Variants in PTPRM observed in about 807,000 individuals in gnomAD.
The protein encoded by PTPRM is receptor-type tyrosine-protein phosphatase mu.
PTPRM carries 47 observed loss-of-function variants against 186.7 expected under a neutral mutation model. The ratio of observed to expected loss-of-function variants is 0.25; its 90% CI spans 0.20 to 0.32. PTPRM has a LOEUF of 0.32. Ranked by LOEUF, PTPRM falls within the 10% of genes least tolerant of loss-of-function variation. The pLI is 1.00. For missense variants in PTPRM, 1,494 were observed against 1,865.0 expected, an observed-to-expected ratio of 0.80 and a Z score of 3.66; for synonymous variants, 668 against 674.9, an observed-to-expected ratio of 0.99 and a Z score of 0.16.
intron 2 of PTPRM, among the ~76,000 whole-genome samples, chr18:7,845,622 C>T (rs573028989): frequency 6.6e-6 from 1 of 152,176 alleles, no homozygotes; most frequent in Non-Finnish European, 1.5e-5. Flanking sequence ...GTTGATTTCT[C>T]CTTTTCACAT....
At chr18:7,638,511 ATG>A (rs1170019264) in intron 1 of PTPRM, among the ~76,000 whole-genome samples, 2 of 152,188 alleles carry the variant, frequency 1.3e-5, no homozygotes, top group Admixed American at 6.5e-5. Context: ...TTATCTAATG[ATG>A]TGTGTTTGAA....
At chr18:7,729,540 G>C (rs2040615360) in intron 1 of PTPRM, among the ~76,000 whole-genome samples, 1 of 151,572 alleles carries the variant, frequency 6.6e-6, no homozygotes, top group African/African-American at 2.4e-5. Context: ...AAAAAAAACA[G>C]TACAAAAGAC....
chr18:8,363,918 A>G (rs539236890), intron 23 of PTPRM, among the ~76,000 whole-genome samples: 31 of 152,352 alleles, frequency 2.0e-4, no homozygotes, highest in African/African-American at 7.2e-4. Flanking sequence ...CCTTGTGCTT[A>G]TAAGTATTGT....
chr18:8,011,200 A>T (rs2084505779), intron 7 of PTPRM, among the ~76,000 whole-genome samples: 1 of 152,214 alleles, frequency 6.6e-6, no homozygotes, highest in Non-Finnish European at 1.5e-5. Context: ...ACAAGGACAG[A>T]TAGAAGAGAG....
At chr18:8,173,498 GTGGGTTCT>G (rs2146488763) in intron 14 of PTPRM, among the ~76,000 whole-genome samples, 1 of 152,356 alleles carries the variant, frequency 6.6e-6, no homozygotes, top group East Asian at 1.9e-4. Flanking sequence ...TAACTGCCCA[GTGGGTTCT>G]TGCTGCCTGC....
chr18:8,313,064 T>G (rs982447178), intron 20 of PTPRM, among the ~76,000 whole-genome samples: 1 of 152,216 alleles, frequency 6.6e-6, no homozygotes, highest in Non-Finnish European at 1.5e-5. Context: ...TGGGTCCAGG[T>G]CAATAGTTGC....
chr18:7,779,430 A>G lies in PTPRM; in HGVS notation c.196+5159A>G, dbSNP rs369768476. ...GGTGCCCGTATGAAAGACAGAGAGG[A>G]AAGTGTCAGGATGGAGCAGCGTGTG... On this transcript the variant is annotated intron_variant, in intron 2 of 32. Transcript: ENST00000580170. Among the ~76,000 whole-genome samples, 47 of 152,304 alleles carry G rather than the reference A, an allele frequency of 3.1e-4. No individual in the cohort carries two copies. The South Asian group carries it at 9.3e-3, about 30-fold the overall frequency.
chr18:8,338,248 A>ACTTAAAGTACCTCCTTTAAGT (rs2095451733), intron 22 of PTPRM, among the ~76,000 whole-genome samples: 1 of 151,850 alleles, frequency 6.6e-6, no homozygotes, highest in Non-Finnish European at 1.5e-5. Context: ...GTGACCTGAG[A>ACTTAAAGTACCTCCTTTAAGT]TCATGTACCC....
intron 20 of PTPRM, among the ~76,000 whole-genome samples, chr18:8,313,017 T>A (rs117585093): frequency 6.6e-6 from 1 of 152,162 alleles, no homozygotes; most frequent in Non-Finnish European, 1.5e-5. Flanking sequence ...GAAACCAATA[T>A]GAAATTTTGA....
At chr18:7,776,511 T>TC (rs760960204) in intron 2 of PTPRM, among the ~76,000 whole-genome samples, 1 of 141,494 alleles carries the variant, frequency 7.1e-6, no homozygotes, top group Non-Finnish European at 1.5e-5. Flanking sequence ...TCTTTTTCTT[T>TC]CTTTTTTTTT....
rs373369662 is a variant in PTPRM at position 7,731,041 on chromosome 18, T to A, written c.74-43108T>A. On this transcript the variant is annotated intron_variant, in intron 1 of 32. Coordinates refer to ENST00000580170, the MANE Select transcript of PTPRM (RefSeq NM_001105244.2). ...ATCATAATTTAACCGATGAGAAAGA[T>A]CAAGTTAACCTGCCATCCATCATAT... 5.3e-5 allele frequency among the ~76,000 whole-genome samples: 8 copies of A among 152,280 alleles called. No individual in the cohort carries two copies. In the East Asian group the frequency reaches 1.3e-3, roughly 26 times the overall value.
At chr18:7,578,752 C>T (rs370893188) in intron 1 of PTPRM, among the ~76,000 whole-genome samples, 10 of 151,918 alleles carry the variant, frequency 6.6e-5, no homozygotes, top group Admixed American at 2.6e-4. Flanking sequence ...GGATTACAGG[C>T]GTGAGCTGCT....
intron 11 of PTPRM, among the ~76,000 whole-genome samples, chr18:8,103,655 G>A (rs2091391357): frequency 6.6e-6 from 1 of 152,164 alleles, no homozygotes; most frequent in Non-Finnish European, 1.5e-5. Context: ...ATTCTATCCA[G>A]ACCACTAACA....
chr18:8,198,345 TG>T (rs1248624726), intron 14 of PTPRM, among the ~76,000 whole-genome samples: 1 of 152,088 alleles, frequency 6.6e-6, no homozygotes, highest in African/African-American at 2.4e-5. Context: ...GACAGGGTTT[TG>T]CCATGTTGCC....
At chr18:7,818,165 G>T (rs902314015) in intron 2 of PTPRM, among the ~76,000 whole-genome samples, 1 of 152,168 alleles carries the variant, frequency 6.6e-6, no homozygotes, top group Non-Finnish European at 1.5e-5. Context: ...TAGGGAATAT[G>T]ATTTTATACA....
chr18:8,330,915 A>G (rs2095408787), intron 22 of PTPRM, among the ~76,000 whole-genome samples: 1 of 152,122 alleles, frequency 6.6e-6, no homozygotes, highest in African/African-American at 2.4e-5. Context: ...CAGGGACTGA[A>G]GGTCCCTCTG....
chr18:8,189,111 G>A (rs1217897174), intron 14 of PTPRM, among the ~76,000 whole-genome samples: 1 of 151,920 alleles, frequency 6.6e-6, no homozygotes, highest in African/African-American at 2.4e-5. Context: ...TCATAGCCTG[G>A]GCAATATGAC....
chr18:8,379,438 G>T, intron 28 of PTPRM, 98 bp downstream of exon 28: 1 of 1,254,440 alleles, frequency 8.0e-7, no homozygotes, highest in Non-Finnish European at 1.0e-6. Context: ...CAGCCCTTTT[G>T]TTTTTTAAGA....
intron 14 of PTPRM, among the ~76,000 whole-genome samples, chr18:8,213,828 A>T (rs1360076093): frequency 6.6e-6 from 1 of 152,206 alleles, no homozygotes; most frequent in Admixed American, 6.5e-5. Flanking sequence ...TGCACTGTTC[A>T]CAATTGCAAA....
Sources: allele counts gnomAD v4.1 joint callset (sites outside exome capture counted in the v4.1 genomes callset), GRCh38; gene constraint gnomAD v4.1.1; transcripts MANE v1.5; gene names NCBI Gene and HGNC (gene_info 2026-07-23, HGNC 2026-07-21).